Variants in FSTL5 observed in about 807,000 individuals in gnomAD.
FSTL5 encodes follistatin like 5.
In FSTL5, 62 loss-of-function variants were observed where a neutral mutation model predicts 89.1. The ratio of observed to expected loss-of-function variants is 0.70; its 90% CI spans 0.57 to 0.86. The LOEUF is 0.86. Ranked by LOEUF, FSTL5 falls within the 40% of genes least tolerant of loss-of-function variation. FSTL5 has a pLI of 0.00. For missense variants in FSTL5, 1,057 were observed against 1,001.6 expected (o/e 1.06, Z -0.75); for synonymous variants, 383 against 346.2 (o/e 1.11, Z -1.18).
At chr4:161,608,257 T>C (rs912366354) in intron 7 of FSTL5, among the ~76,000 whole-genome samples, 1 of 152,120 alleles carries the variant, frequency 6.6e-6, no homozygotes, top group Non-Finnish European at 1.5e-5. Context: ...GCACATCTAA[T>C]TTTGCACATA....
intron 3 of FSTL5, among the ~76,000 whole-genome samples, chr4:162,017,250 T>C (rs1355254681): frequency 6.6e-6 from 1 of 152,182 alleles, no homozygotes; most frequent in African/African-American, 2.4e-5. Flanking sequence ...GTAGATTATC[T>C]GCAAGCATGT....
intron 4 of FSTL5, among the ~76,000 whole-genome samples, chr4:161,813,360 C>T (rs1730225215): frequency 1.3e-5 from 2 of 151,966 alleles, no homozygotes; most frequent in African/African-American, 4.8e-5. Context: ...CAGGCCAACT[C>T]TATTGCCACA....
chr4:162,127,520 A>G (rs2111449179), intron 1 of FSTL5, among the ~76,000 whole-genome samples: 1 of 152,304 alleles, frequency 6.6e-6, no homozygotes, highest in Non-Finnish European at 1.5e-5. Flanking sequence ...TCACAGAAAT[A>G]CCATTTGTAA....
chr4:161,759,589 T>C, intron 5 of FSTL5, 58 bp from the exon 6 acceptor site: 1 of 1,044,646 alleles, frequency 9.6e-7, no homozygotes, highest in Non-Finnish European at 1.3e-6. Flanking sequence ...TTCTATAATA[T>C]AATTTATTAT....
intron 13 of FSTL5, among the ~76,000 whole-genome samples, chr4:161,461,522 G>A (rs1034952855): frequency 5.5e-5 from 8 of 146,148 alleles, no homozygotes; most frequent in Admixed American, 4.1e-4. Flanking sequence ...GGGTGCAGAG[G>A]AGAAAAATAA....
chr4:161,397,202 T>C (rs1434617117), intron 15 of FSTL5, among the ~76,000 whole-genome samples: 3 of 152,134 alleles, frequency 2.0e-5, no homozygotes, highest in Non-Finnish European at 4.4e-5. Flanking sequence ...TTCCTAAATA[T>C]AATATAAATT....
At chr4:161,690,688 G>A (rs1466852500) in intron 6 of FSTL5, among the ~76,000 whole-genome samples, 1 of 152,062 alleles carries the variant, frequency 6.6e-6, no homozygotes, top group African/African-American at 2.4e-5. Flanking sequence ...GGGTACAAGT[G>A]CAGGTTTGTT....
intron 6 of FSTL5, among the ~76,000 whole-genome samples, chr4:161,688,288 G>T (rs181730251): frequency 4.2e-4 from 64 of 152,212 alleles, no homozygotes; most frequent in Admixed American, 3.1e-3. Context: ...TTGCCTTGTT[G>T]CCCAGGCTGG....
chr4:162,101,278 T>G (rs1730987574), intron 2 of FSTL5, among the ~76,000 whole-genome samples: 1 of 152,224 alleles, frequency 6.6e-6, no homozygotes, highest in Non-Finnish European at 1.5e-5. Context: ...TTGGAGATGT[T>G]TGCTTCAACA....
chr4:162,123,125 A>G (rs1255013391), intron 1 of FSTL5, among the ~76,000 whole-genome samples: 1 of 152,160 alleles, frequency 6.6e-6, no homozygotes, highest in East Asian at 1.9e-4. Flanking sequence ...AACCTATTCC[A>G]TACCAAGGTC....
chr4:161,627,272 T>A (rs529254295), intron 7 of FSTL5, among the ~76,000 whole-genome samples: 1 of 152,278 alleles, frequency 6.6e-6, no homozygotes, highest in African/African-American at 2.4e-5. Flanking sequence ...TCAGCAGCCA[T>A]CAACACTGAG....
chr4:161,821,100 C>A (rs865873694), intron 4 of FSTL5, among the ~76,000 whole-genome samples: 2 of 152,112 alleles, frequency 1.3e-5, no homozygotes, highest in Non-Finnish European at 2.9e-5. Flanking sequence ...TGCAGTGGTG[C>A]AATCATGGCT....
intron 7 of FSTL5, among the ~76,000 whole-genome samples, chr4:161,647,753 G>GA (rs1295414115): frequency 1.3e-5 from 2 of 152,062 alleles, no homozygotes; most frequent in African/African-American, 4.8e-5. Context: ...AAGAGGGTAT[G>GA]GTCCGTGGCT....
In FSTL5 at chr4:162,016,514, G is replaced by C. The variant is rs1270824562; in HGVS notation, c.160+17111C>G. On this transcript the variant is annotated intron_variant, in intron 3 of 15. Coordinates refer to ENST00000306100, the MANE Select transcript of FSTL5 (RefSeq NM_020116.5). Reference sequence around the variant, plus strand: ...GCTCATTCTGAGCAGGATAAGAAGTGGAGAAAATTTGATTTTCTTTAAAGG... The same window carrying C: ...GCTCATTCTGAGCAGGATAAGAAGTCGAGAAAATTTGATTTTCTTTAAAGG... Among the ~76,000 whole-genome samples the C allele has an allele frequency of 1.5e-4, 23 of 152,054 alleles. 1 individual carries two copies. Among genetic ancestry groups the C allele is most frequent in the Admixed American group, 1.5e-3 (23 of 15,252 alleles).
intron 12 of FSTL5, among the ~76,000 whole-genome samples, chr4:161,496,605 T>G (rs1460642405): frequency 1.3e-5 from 2 of 152,148 alleles, no homozygotes; most frequent in African/African-American, 4.8e-5. Flanking sequence ...AACTCCTGTG[T>G]AGGTTTCCAG....
At chr4:161,670,704 T>C (rs1388574543) in intron 6 of FSTL5, among the ~76,000 whole-genome samples, 1 of 152,210 alleles carries the variant, frequency 6.6e-6, no homozygotes, top group Non-Finnish European at 1.5e-5. Context: ...CTTTAGGAGC[T>C]TGCAGCAAAC....
chr4:161,993,614 A>G (rs1736201093), intron 3 of FSTL5, among the ~76,000 whole-genome samples: 1 of 152,076 alleles, frequency 6.6e-6, no homozygotes, highest in African/African-American at 2.4e-5. Context: ...CAAAAGTTTT[A>G]AAACTGTAAA....
chr4:161,572,854 G>A (rs1422067840), intron 8 of FSTL5, among the ~76,000 whole-genome samples: 1 of 152,026 alleles, frequency 6.6e-6, no homozygotes, highest in Admixed American at 6.6e-5. Context: ...AATAAAGGTA[G>A]GATATGGTTT....
At chr4:161,409,655 C>T (rs1578951550) in intron 15 of FSTL5, among the ~76,000 whole-genome samples, 1 of 152,194 alleles carries the variant, frequency 6.6e-6, no homozygotes, top group East Asian at 1.9e-4. Flanking sequence ...GCTGCGATTA[C>T]AGGCGTGAGC....
Sources: gnomAD v4.1 joint callset for allele counts (sites outside exome capture counted in the v4.1 genomes callset) on GRCh38, gnomAD v4.1.1 for gene constraint, MANE v1.5 for transcripts, NCBI Gene and HGNC (gene_info 2026-07-23, HGNC 2026-07-21) for gene names.